UMODL1: variants seen among roughly 807,000 people sequenced by gnomAD.
The protein encoded by UMODL1 is uromodulin like 1, also known as uromodulin-like 1.
Under a neutral mutation model 136.3 loss-of-function variants are expected in UMODL1, and 128 were observed. That is an observed-to-expected ratio of 0.94 (90% CI 0.81 to 1.09). The LOEUF (loss-of-function observed/expected upper bound fraction) is 1.09. Among genes scored for constraint, UMODL1 ranks in the 50% least tolerant of loss-of-function variants. UMODL1 has a pLI of 0.00. For synonymous variants in UMODL1, 721 were observed against 720.0 expected, an observed-to-expected ratio of 1.00 and a Z score of -0.02; for missense variants, 1,766 against 1,725.6, an observed-to-expected ratio of 1.02 and a Z score of -0.41.
At position 42,129,735 on chromosome 21, in the gene UMODL1, T is replaced by C; in HGVS notation, c.3713T>C (p.Leu1238Pro). The C allele has an allele frequency of 1.3e-6, 2 of 1,585,362 alleles. No homozygotes were observed. The highest frequency in any genetic ancestry group is 1.2e-5 in the South Asian group (1 of 84,048). ...CKINCNNFRLLQNSETSATHQ... is the reference protein window; with the variant it reads ...CKINCNNFRLPQNSETSATHQ... ...CAGAATTGCAATAACTTTCGGTTGC[T>C]GCAAAATAGTGAAACCTCTGCCACA... Residue 1238 changes from leucine to proline, a missense_variant, in exon 21 of 23, where the codon CTG (leucine) becomes CCG (proline). Leu to Pro is a moderately conservative substitution (Grantham distance 98). Transcript: ENST00000408910.
chr21:42,090,406 C>G lies in UMODL1; in HGVS notation c.899C>G (p.Thr300Arg). 4.3e-6 allele frequency: 7 copies of G among 1,613,978 alleles called. No homozygotes were observed. The highest frequency in any genetic ancestry group is 5.9e-6 in the Non-Finnish European group (7 of 1,179,930). Residue 300 changes from threonine to arginine, a missense_variant, in exon 6 of 23, where the codon ACG (threonine) becomes AGG (arginine). Coordinates refer to ENST00000408910, the MANE Select transcript of UMODL1 (RefSeq NM_001004416.3). ...WCVCHQEAPA[T>R]SPRKLNLEWE... ...GTCTGTCACCAGGAAGCTCCAGCCA[C>G]GTCTCCACGGAAGCTGAACCTGGAG...
chr21:42,134,335 T>C (rs1378581725), intron 21 of UMODL1, among the ~76,000 whole-genome samples: 1 of 152,276 alleles, frequency 6.6e-6, no homozygotes, highest in African/African-American at 2.4e-5. Context: ...AATTTTTGCA[T>C]ATTCAGTTTT....
chr21:42,095,423 GT>G (rs1287474680), intron 6 of UMODL1, among the ~76,000 whole-genome samples: 1 of 151,924 alleles, frequency 6.6e-6, no homozygotes, highest in Non-Finnish European at 1.5e-5. Flanking sequence ...CAACATCTTT[GT>G]TTTTTCTCTA....
chr21:42,120,632 T>A (rs1355622173), intron 15 of UMODL1: 1 of 153,754 alleles, frequency 6.5e-6, no homozygotes, highest in Non-Finnish European at 1.4e-5. Flanking sequence ...CTGGCCACGC[T>A]TTTCTGGTTC....
intron 13 of UMODL1, 104 bp downstream of exon 13, chr21:42,113,934 G>T: frequency 2.1e-6 from 3 of 1,444,506 alleles, no homozygotes; most frequent in Non-Finnish European, 2.8e-6. Flanking sequence ...GGGCTGCTAG[G>T]TGTCATTGTT....
intron 3 of UMODL1, 150 bp downstream of exon 3, chr21:42,084,395 C>T (rs2066401494): frequency 3.8e-6 from 3 of 799,214 alleles, no homozygotes; most frequent in Non-Finnish European, 5.4e-6. Context: ...GCAGCACCTG[C>T]TCTTAGATAA....
intron 20 of UMODL1, among the ~76,000 whole-genome samples, chr21:42,128,932 G>T (rs989411519): frequency 6.6e-6 from 1 of 152,202 alleles, no homozygotes; most frequent in African/African-American, 2.4e-5. Flanking sequence ...TGTTCTGGAG[G>T]CAGGAAGTCC....
At chr21:42,066,559 G>A (rs2066184439), upstream of UMODL1, among the ~76,000 whole-genome samples, 2 of 152,058 alleles carry the variant, frequency 1.3e-5, no homozygotes, top group African/African-American at 4.8e-5. Context: ...CTGTCTCCTG[G>A]CCTCTCTGGT....
rs776622476 is a variant in UMODL1, at chr21:42,103,907, C to T, written c.1339C>T (p.Arg447Ter). The part of the protein sequence containing the change: ...SFPPVVSDLY[R>*]SGKLRMQIVS... ...CCCACCAGTGGTGTCTGACTTGTACCGAAGTGGGAAGCTGAGAATGCAGAT... is the reference window on the plus strand; with the variant it reads ...CCCACCAGTGGTGTCTGACTTGTACTGAAGTGGGAAGCTGAGAATGCAGAT... Residue 447 changes from arginine (R) to a stop codon, truncating the protein, a stop_gained, in exon 9 of 23, where the codon CGA (arginine) becomes TGA (stop). Transcript: ENST00000408910. LOFTEE classifies it high-confidence loss of function. The T allele has an allele frequency of 1.1e-5, 17 of 1,613,972 alleles. No homozygotes were observed. The highest frequency in any genetic ancestry group is 1.3e-5 in the African/African-American group (1 of 74,884).
intron 21 of UMODL1, among the ~76,000 whole-genome samples, chr21:42,135,190 C>T (rs220170): frequency 0.33 from 50,254 of 152,276 alleles, 8,901 homozygotes; most frequent in Non-Finnish European, 0.41. Context: ...GCTCATGCCA[C>T]ACGCATGGAG....
intron 21 of UMODL1, among the ~76,000 whole-genome samples, chr21:42,131,031 T>C (rs1003836602): frequency 7.2e-5 from 11 of 152,124 alleles, no homozygotes; most frequent in Middle Eastern, 3.2e-3. Context: ...GCCAGGATGG[T>C]CTCGATCTCC....
In UMODL1 at chr21:42,121,146, A is replaced by G; in HGVS notation, c.2749A>G (p.Thr917Ala). The G allele has an allele frequency of 6.2e-7, 1 of 1,613,876 alleles. No individual in the cohort carries two copies. The highest frequency in any genetic ancestry group is 8.5e-7 in the Non-Finnish European group (1 of 1,179,948). ...DCVPGTSCRN[T>A]LGSFTCSCEG... ...TGTGCCGGGGACATCCTGTCGAAAC[A>G]CCCTCGGGTCTTTCACTTGTAGCTG... The change falls in exon 16 of 23, where the codon ACC becomes GCC. Residue 917 changes from threonine to alanine, a missense_variant. Coordinates refer to ENST00000408910, the MANE Select transcript of UMODL1 (RefSeq NM_001004416.3).
At chr21:42,063,129 AAGGATGCCAGTC>A (rs1269713473) in exon 1 of UMODL1, 1 of 152,254 alleles carries the variant, frequency 6.6e-6, no homozygotes, top group Admixed American at 6.5e-5. Context: ...TTCCTTTTGT[AAGGATGCCAGTC>A]ATTGGATTTA....
chr21:42,134,071 C>A (rs1165632309), intron 21 of UMODL1, among the ~76,000 whole-genome samples: 1 of 152,134 alleles, frequency 6.6e-6, no homozygotes, highest in Non-Finnish European at 1.5e-5. Context: ...GTGTTGTGGG[C>A]CACCACGCCA....
chr21:42,128,894 G>C (rs886734034), intron 20 of UMODL1, among the ~76,000 whole-genome samples: 1 of 152,170 alleles, frequency 6.6e-6, no homozygotes, highest in Non-Finnish European at 1.5e-5. Context: ...CAAACTGAGC[G>C]GCTTAAACAG....
Position 42,099,247 on chromosome 21 carries a change from CT to C in UMODL1, c.1186+68del. The C allele has an allele frequency of 6.4e-7, 1 of 1,569,392 alleles. No individual in the cohort carries two copies. The highest frequency in any genetic ancestry group is 8.6e-7 in the Non-Finnish European group (1 of 1,157,296). ...GTCTTTCTATCCCAGGTCTGTGGCC[CT>C]AGCATGTCGCGTTCTTCTTCCTATA... On this transcript the variant is annotated intron_variant, in intron 7 of 22. Transcript: ENST00000408910. The surrounding 1 kb of genome is among the most constrained non-coding windows in gnomAD (Gnocchi z 4.1).
intron 7 of UMODL1, chr21:42,101,712 C>T (rs1029089757): frequency 2.0e-5 from 9 of 456,450 alleles, no homozygotes; most frequent in Middle Eastern, 3.2e-4. Flanking sequence ...TGGCAGAGTA[C>T]GTTCTTGAGA....
In UMODL1 at chr21:42,122,262, T is replaced by C. The variant is rs545116374; in HGVS notation, c.2828-569T>C. ...ACCACCCCGAGAACAGGTGGGTGGA[T>C]TGGAAAGCTTTCCGGGCCCCTTGTT... On this transcript the variant is annotated intron_variant, in intron 16 of 22. Transcript: ENST00000408910. The surrounding 1 kb of genome is among the most constrained non-coding windows in gnomAD (Gnocchi z 4.3). Among the ~76,000 whole-genome samples, 3 of 151,992 alleles carry C rather than the reference T, an allele frequency of 2.0e-5. No homozygotes were observed. The South Asian group carries it at 6.3e-4, about 32-fold the overall frequency.
chr21:42,119,126 C>A lies in UMODL1; in HGVS notation c.2491C>A (p.Pro831Thr). ...LFFRMVRGSL[P>T]ATMCQHMDAG... is the part of the protein sequence containing the mutation. ...TTCCCCGCAGGTGCGGGGCTCCCTGCCAGCCACCATGTGTCAGCACATGGA... is the reference window on the plus strand; with the variant it reads ...TTCCCCGCAGGTGCGGGGCTCCCTGACAGCCACCATGTGTCAGCACATGGA... Residue 831 changes from proline to threonine, a missense_variant, in exon 15 of 23, where the codon CCA (proline) becomes ACA (threonine). Physicochemically the swap from Pro to Thr is conservative, Grantham distance 38 (BLOSUM62 -1). Transcript: ENST00000408910. 1.2e-6 allele frequency: 2 copies of A among 1,612,734 alleles called. No individual in the cohort carries two copies. The highest frequency in any genetic ancestry group is 8.5e-7 in the Non-Finnish European group (1 of 1,179,520).
Sources: allele counts gnomAD v4.1 joint callset (sites outside exome capture counted in the v4.1 genomes callset), GRCh38; gene constraint gnomAD v4.1.1; non-coding constraint Gnocchi (gnomAD v3.1); transcripts MANE v1.5; gene names NCBI Gene and HGNC (gene_info 2026-07-23, HGNC 2026-07-21).